Variants in ZCCHC7 observed in about 807,000 individuals in gnomAD.
ZCCHC7 encodes the protein zinc finger CCHC domain-containing protein 7.
In ZCCHC7, 35 loss-of-function variants were observed where a neutral mutation model predicts 52.0. The observed-to-expected ratio is 0.67, with a 90% CI of 0.51 to 0.89. ZCCHC7 has a LOEUF of 0.89. ZCCHC7 is among the 40% of genes least tolerant of loss of function. ZCCHC7 has a pLI of 0.00. For synonymous variants in ZCCHC7, 217 were observed against 221.5 expected, an observed-to-expected ratio of 0.98 and a Z score of 0.18; for missense variants, 574 against 649.1, an observed-to-expected ratio of 0.88 and a Z score of 1.26.
At chr9:37,290,818 C>T (rs1044086659) in intron 2 of ZCCHC7, among the ~76,000 whole-genome samples, 3 of 152,150 alleles carry the variant, frequency 2.0e-5, no homozygotes, top group Admixed American at 2.0e-4. Flanking sequence ...TACTTCATGG[C>T]CTCCTGCCAT....
At chr9:37,202,761 C>T (rs775057413) in intron 2 of ZCCHC7, among the ~76,000 whole-genome samples, 3 of 152,230 alleles carry the variant, frequency 2.0e-5, no homozygotes, top group South Asian at 2.1e-4. Context: ...GGATTATAGG[C>T]GTAAGCCATC....
chr9:37,191,830 G>T (rs1193887595), intron 2 of ZCCHC7, among the ~76,000 whole-genome samples: 1 of 152,170 alleles, frequency 6.6e-6, no homozygotes, highest in East Asian at 1.9e-4. Context: ...ACAATGCAAG[G>T]AAGCCTTGCC....
At chr9:37,272,504 A>AG (rs1056175854) in intron 2 of ZCCHC7, among the ~76,000 whole-genome samples, 15 of 150,724 alleles carry the variant, frequency 1.0e-4, no homozygotes, top group African/African-American at 3.4e-4. Context: ...AAAAAAAAAA[A>AG]AAAAAAAAAA....
chr9:37,305,526 GT>G lies in ZCCHC7; in HGVS notation c.781-11del, dbSNP rs765701876. The G allele has an allele frequency of 6.2e-7, 1 of 1,611,916 alleles. No individual in the cohort carries two copies. The highest frequency in any genetic ancestry group is 1.1e-5 in the South Asian group (1 of 90,928). On this transcript the variant is annotated splice_polypyrimidine_tract_variant and intron_variant, in intron 4 of 8. Transcript: ENST00000336755. ...CCTTTTGAGACTGAAGAGATTTTAT[GT>G]TTTTTTCGCCACATAGAAAGTTCGT...
chr9:37,261,312 T>C (rs1826856027), intron 2 of ZCCHC7, among the ~76,000 whole-genome samples: 1 of 152,226 alleles, frequency 6.6e-6, no homozygotes, highest in African/African-American at 2.4e-5. Context: ...ACAAGCAATG[T>C]ATATGAAAGG....
chr9:37,162,390 G>A (rs1017340046), intron 2 of ZCCHC7, among the ~76,000 whole-genome samples: 8 of 152,068 alleles, frequency 5.3e-5, no homozygotes, highest in African/African-American at 1.9e-4. Flanking sequence ...CTTGTCTCCT[G>A]CCCCTTCATA....
chr9:37,259,121 T>G (rs10973274), intron 2 of ZCCHC7, among the ~76,000 whole-genome samples: 1 of 152,060 alleles, frequency 6.6e-6, no homozygotes, highest in Non-Finnish European at 1.5e-5. Context: ...GGGCTGGTTA[T>G]ACAATTTGTG....
chr9:37,178,691 A>G (rs1822190065), intron 2 of ZCCHC7, among the ~76,000 whole-genome samples: 1 of 152,220 alleles, frequency 6.6e-6, no homozygotes, highest in African/African-American at 2.4e-5. Flanking sequence ...TAGCAGACGT[A>G]TTTTGAGTTT....
At chr9:37,162,055 G>C (rs1821135038) in intron 2 of ZCCHC7, among the ~76,000 whole-genome samples, 1 of 152,150 alleles carries the variant, frequency 6.6e-6, no homozygotes, top group African/African-American at 2.4e-5. Flanking sequence ...TTGGAAAGTT[G>C]TGGAGATAAC....
At chr9:37,195,485 A>G (rs1039616320) in intron 2 of ZCCHC7, among the ~76,000 whole-genome samples, 1 of 152,156 alleles carries the variant, frequency 6.6e-6, no homozygotes, top group Non-Finnish European at 1.5e-5. Flanking sequence ...ATGCAAACCA[A>G]TGTGTTTTGC....
Position 37,126,337 on chromosome 9 carries a change from T to A in ZCCHC7, c.5T>A (p.Met2Lys). 1 of 1,608,692 alleles carries A rather than the reference T, an allele frequency of 6.2e-7. No homozygotes were observed. Among genetic ancestry groups the A allele is most frequent in the Non-Finnish European group, 8.5e-7 (1 of 1,177,396 alleles). Residue 2 changes from methionine (M) to lysine (K), a missense_variant, in exon 2 of 9, where the codon ATG becomes AAG. Physicochemically the swap from Met to Lys is moderately conservative, Grantham distance 95 (BLOSUM62 -1). Transcript: ENST00000336755. ...CTTCAAGGTTACTGACTTTTTATGA[T>A]GTTTGGTGGCTATGAGACTATAGAA... M[M>K]FGGYETIEAY... is the part of the protein sequence containing the mutation.
At chr9:37,242,368 G>T (rs897757261) in intron 2 of ZCCHC7, among the ~76,000 whole-genome samples, 1 of 151,724 alleles carries the variant, frequency 6.6e-6, no homozygotes, top group African/African-American at 2.4e-5. Context: ...TTTGACTAGA[G>T]AGTTACAAAT....
chr9:37,285,378 G>A (rs772627851), intron 2 of ZCCHC7, among the ~76,000 whole-genome samples: 7 of 151,980 alleles, frequency 4.6e-5, no homozygotes, highest in Non-Finnish European at 1.0e-4. Context: ...TCTTGAGATG[G>A]TATTTTCGAA....
intron 2 of ZCCHC7, among the ~76,000 whole-genome samples, chr9:37,261,623 C>T (rs1207484977): frequency 1.3e-5 from 2 of 152,142 alleles, no homozygotes; most frequent in Non-Finnish European, 2.9e-5. Context: ...TCCATTTGCC[C>T]TAATGTGCTC....
At chr9:37,315,929 C>G (rs970754600) in intron 5 of ZCCHC7, among the ~76,000 whole-genome samples, 4 of 144,004 alleles carry the variant, frequency 2.8e-5, no homozygotes, top group African/African-American at 1.0e-4. Flanking sequence ...TGGTTCCTGT[C>G]TAAAATATAA....
chr9:37,139,501 T>C (rs1417548107), intron 2 of ZCCHC7, among the ~76,000 whole-genome samples: 1 of 151,788 alleles, frequency 6.6e-6, no homozygotes, highest in Admixed American at 6.6e-5. Context: ...CTAAATGTAA[T>C]AATTATTTTA....
intron 6 of ZCCHC7, among the ~76,000 whole-genome samples, chr9:37,343,470 C>T (rs1820765129): frequency 6.6e-6 from 1 of 152,104 alleles, no homozygotes; most frequent in South Asian, 2.1e-4. Flanking sequence ...CTCCGTATTC[C>T]TCGCAGTGTC....
At chr9:37,329,957 T>C (rs1354071230) in intron 6 of ZCCHC7, among the ~76,000 whole-genome samples, 1 of 151,896 alleles carries the variant, frequency 6.6e-6, no homozygotes, top group African/African-American at 2.4e-5. Context: ...AATTGTCATA[T>C]TTCTTACCCC....
intron 2 of ZCCHC7, among the ~76,000 whole-genome samples, chr9:37,139,394 C>T (rs376186899): frequency 3.3e-5 from 5 of 152,072 alleles, no homozygotes; most frequent in African/African-American, 1.2e-4. Flanking sequence ...AGGAGTATGA[C>T]TTGCTTTTTA....
Sources: gnomAD v4.1 joint callset for allele counts (sites outside exome capture counted in the v4.1 genomes callset) on GRCh38, gnomAD v4.1.1 for gene constraint, MANE v1.5 for transcripts, NCBI Gene and HGNC (gene_info 2026-07-23, HGNC 2026-07-21) for gene names.